The following TAPT1 variants were observed in gnomAD, a reference collection of about 807,000 sequenced individuals.
TAPT1 encodes the protein transmembrane anterior posterior transformation 1.
Under a neutral mutation model 65.6 loss-of-function variants are expected in TAPT1, and 28 were observed. That is an observed-to-expected ratio of 0.43 (90% CI 0.32 to 0.59). TAPT1 has a LOEUF of 0.59. Among genes scored for constraint, TAPT1 ranks in the 20% least tolerant of loss-of-function variants. The pLI is 0.09. For synonymous variants in TAPT1, 278 were observed against 245.2 expected, an observed-to-expected ratio of 1.13 and a Z score of -1.25; for missense variants, 563 against 679.9, an observed-to-expected ratio of 0.83 and a Z score of 1.91.
chr4:16,213,248 G>A (rs1311564621), intron 2 of TAPT1, among the ~76,000 whole-genome samples: 1 of 152,206 alleles, frequency 6.6e-6, no homozygotes, highest in African/African-American at 2.4e-5. Flanking sequence ...TAAGACACGT[G>A]AAGATGTAGT....
Position 16,174,192 on chromosome 4 carries a change from G to T in TAPT1, c.1236+12C>A. The stretch of plus-strand genomic sequence containing the variant: ...ACTTTGTTACAAAAAACATTAAAAA[G>T]TATGCACTTACTAAAACAGCTAGTG... On this transcript the variant is annotated intron_variant, in intron 11 of 13. Transcript: ENST00000405303. 1 of 1,584,738 alleles carries T rather than the reference G, an allele frequency of 6.3e-7. No homozygotes were observed. The highest frequency in any genetic ancestry group is 8.6e-7 in the Non-Finnish European group (1 of 1,162,188).
intron 12 of TAPT1, among the ~76,000 whole-genome samples, chr4:16,167,242 C>T (rs573904003): frequency 3.3e-5 from 5 of 152,178 alleles, no homozygotes; most frequent in African/African-American, 1.2e-4. Context: ...CCACCTGCCT[C>T]GGCCTCCCAA....
chr4:16,227,110 C>T (rs1751633460), upstream of TAPT1: 2 of 455,500 alleles, frequency 4.4e-6, no homozygotes, highest in Non-Finnish European at 8.8e-6. Context: ...CATTCCCTGG[C>T]CTCTGAGTGT....
chr4:16,171,889 TCTTC>T (rs1415008495), intron 11 of TAPT1, among the ~76,000 whole-genome samples: 1 of 152,220 alleles, frequency 6.6e-6, no homozygotes, highest in Non-Finnish European at 1.5e-5. Flanking sequence ...ACACATTTTT[TCTTC>T]CTTTTTTCGG....
At chr4:16,184,074 G>T (rs751486288) in intron 7 of TAPT1, among the ~76,000 whole-genome samples, 1 of 152,122 alleles carries the variant, frequency 6.6e-6, no homozygotes, top group Admixed American at 6.6e-5. Flanking sequence ...CAGATCTTAA[G>T]TACATTATGT....
chr4:16,176,443 T>C (rs536302608), intron 8 of TAPT1: 2 of 327,688 alleles, frequency 6.1e-6, no homozygotes, highest in South Asian at 7.2e-5. Flanking sequence ...CCCGGCGCAG[T>C]GGCTCACGCC....
chr4:16,223,279 C>G (rs1751362772), intron 1 of TAPT1, among the ~76,000 whole-genome samples: 1 of 152,196 alleles, frequency 6.6e-6, no homozygotes, highest in Middle Eastern at 3.2e-3. Flanking sequence ...CAGAAACTCT[C>G]CTACCTAGGA....
At chr4:16,206,996 G>A (rs527499130) in intron 2 of TAPT1, among the ~76,000 whole-genome samples, 185 of 152,274 alleles carry the variant, frequency 1.2e-3, no homozygotes, top group Middle Eastern at 6.8e-3. Context: ...CAAGCAGGGT[G>A]TGACAAGCCT....
intron 1 of TAPT1, among the ~76,000 whole-genome samples, chr4:16,217,339 CAT>C (rs1750997886): frequency 6.6e-6 from 1 of 152,096 alleles, no homozygotes; most frequent in South Asian, 2.1e-4. Context: ...GAAGAAAAAT[CAT>C]AGAGAACAAA....
chr4:16,222,128 C>T (rs999163731), intron 1 of TAPT1, among the ~76,000 whole-genome samples: 1 of 152,162 alleles, frequency 6.6e-6, no homozygotes, highest in Non-Finnish European at 1.5e-5. Context: ...ATTTGACAGT[C>T]AATGCTATAT....
At position 16,176,174 on chromosome 4, in the gene TAPT1, G is replaced by C; in HGVS notation, c.1052C>G (p.Ala351Gly). The change falls in exon 9 of 14, where the codon GCC (alanine) becomes GGC (glycine). Residue 351 changes from alanine (A) to glycine (G), a missense_variant. By Grantham distance (60) the Ala-to-Gly change is moderately conservative. This residue lies in a region of TAPT1 where 104 missense variants were observed against 102.5 expected (regional missense o/e 1.01). Coordinates refer to ENST00000405303, the MANE Select transcript of TAPT1 (RefSeq NM_153365.3). ...DVCMVIASEI[A>G]VDIVKHAFIT... is the part of the protein sequence containing the mutation. ...AAAGGCATGTTTTACAATATCCACG[G>C]CAATTTCTGATGCAATTACCATACA... 2 of 1,577,264 alleles carry C rather than the reference G, an allele frequency of 1.3e-6. No homozygotes were observed. Among genetic ancestry groups the C allele is most frequent in the Non-Finnish European group, 1.7e-6 (2 of 1,160,330 alleles).
At chr4:16,225,836 G>A (rs2108907008) in intron 1 of TAPT1, 3 of 975,438 alleles carry the variant, frequency 3.1e-6, no homozygotes, top group African/African-American at 3.5e-5. Context: ...GGTTTCTATG[G>A]CTCAAGTTTG....
At chr4:16,202,601 AAG>A in intron 2 of TAPT1, 21 bp from the exon 3 acceptor site, 1 of 1,307,256 alleles carries the variant, frequency 7.6e-7, no homozygotes, top group Non-Finnish European at 1.1e-6. Context: ...ACAAGGAGAG[AAG>A]AAAAAAAAAA....
chr4:16,194,810 T>C (rs930883655), intron 3 of TAPT1, among the ~76,000 whole-genome samples: 1 of 151,988 alleles, frequency 6.6e-6, no homozygotes, highest in Admixed American at 6.5e-5. Context: ...ATTATTCATA[T>C]AAAGAATACA....
Position 16,202,579 on chromosome 4 carries a change from A to G in TAPT1, c.332T>C (p.Leu111Pro). 6.7e-7 allele frequency: 1 copy of G among 1,502,010 alleles called. No individual in the cohort carries two copies. Among genetic ancestry groups the G allele is most frequent in the Admixed American group, 2.2e-5 (1 of 45,826 alleles). 93.0% of individuals were successfully genotyped at this position (1,502,010 alleles called of 1,614,324 possible). Residue 111 changes from leucine to proline, a missense_variant and splice_region_variant, in exon 3 of 14, where the codon CTG (leucine) becomes CCG (proline). Coordinates refer to ENST00000405303, the MANE Select transcript of TAPT1 (RefSeq NM_153365.3). Reference sequence around the variant, plus strand: ...GCACAGAAAGATTCCAAAAACCATCAGCTGAATTTTAACAAGGAGAGAAGA... The same window carrying G: ...GCACAGAAAGATTCCAAAAACCATCGGCTGAATTTTAACAAGGAGAGAAGA... Reference protein sequence around the residue: ...CLRIPRELEKLMVFGIFLCLD... With the variant: ...CLRIPRELEKPMVFGIFLCLD...
intron 2 of TAPT1, among the ~76,000 whole-genome samples, chr4:16,205,666 C>A (rs928870431): frequency 6.6e-6 from 1 of 151,894 alleles, no homozygotes; most frequent in African/African-American, 2.4e-5. Flanking sequence ...AGAGATGTCC[C>A]ACAGAGGAGA....
intron 3 of TAPT1, among the ~76,000 whole-genome samples, chr4:16,200,540 G>C (rs1168392075): frequency 1.3e-5 from 2 of 152,052 alleles, no homozygotes; most frequent in African/African-American, 4.8e-5. Context: ...TGCCCAGGCT[G>C]GTCTTGAACT....
intron 2 of TAPT1, among the ~76,000 whole-genome samples, chr4:16,212,944 G>A (rs1244425789): frequency 6.6e-6 from 1 of 152,162 alleles, no homozygotes; most frequent in Non-Finnish European, 1.5e-5. Context: ...ATTGCCTGCA[G>A]TACCTCTTGT....
intron 3 of TAPT1, among the ~76,000 whole-genome samples, chr4:16,194,297 C>G (rs1226247969): frequency 6.6e-6 from 1 of 152,178 alleles, no homozygotes; most frequent in African/African-American, 2.4e-5. Flanking sequence ...CACATATATT[C>G]CTTTCAGTGT....
Sources: allele counts gnomAD v4.1 joint callset (sites outside exome capture counted in the v4.1 genomes callset), GRCh38; gene constraint gnomAD v4.1.1; regional missense constraint gnomAD v4.1.1; transcripts MANE v1.5; gene names NCBI Gene and HGNC (gene_info 2026-07-23, HGNC 2026-07-21).